The following ZCCHC7 variants were observed in gnomAD, a reference collection of about 807,000 sequenced individuals.
ZCCHC7 encodes zinc finger CCHC domain-containing protein 7.
Under a neutral mutation model 52.0 loss-of-function variants are expected in ZCCHC7, and 35 were observed. That is an observed-to-expected ratio of 0.67 (90% confidence interval 0.51 to 0.89). ZCCHC7 has a LOEUF of 0.89. Among genes scored for constraint, ZCCHC7 ranks in the 40% least tolerant of loss-of-function variants. The pLI, the probability that ZCCHC7 is intolerant of heterozygous loss-of-function variation, is 0.00. For synonymous variants in ZCCHC7, 217 were observed against 221.5 expected, an observed-to-expected ratio of 0.98 and a Z score of 0.18; for missense variants, 574 against 649.1, an observed-to-expected ratio of 0.88 and a Z score of 1.26.
At chr9:37,162,698 T>C (rs990770641) in intron 2 of ZCCHC7, among the ~76,000 whole-genome samples, 15 of 152,248 alleles carry the variant, frequency 9.9e-5, no homozygotes, top group African/African-American at 3.6e-4. Flanking sequence ...TTGGTATGGA[T>C]AGATGCTTTC....
At chr9:37,332,357 A>AT (rs35042921) in intron 6 of ZCCHC7, among the ~76,000 whole-genome samples, 25 of 150,004 alleles carry the variant, frequency 1.7e-4, no homozygotes, top group South Asian at 2.1e-4. Context: ...GAATAACAAG[A>AT]TTTTTTTTTT....
At chr9:37,169,620 C>T (rs1821619405) in intron 2 of ZCCHC7, among the ~76,000 whole-genome samples, 1 of 152,042 alleles carries the variant, frequency 6.6e-6, no homozygotes, top group African/African-American at 2.4e-5. Context: ...TTGCTATTTT[C>T]TTTATTATCT....
chr9:37,131,008 ACT>A (rs1842756176), intron 2 of ZCCHC7, among the ~76,000 whole-genome samples: 1 of 151,186 alleles, frequency 6.6e-6, no homozygotes, highest in Non-Finnish European at 1.5e-5. Context: ...AAAACTTCAG[ACT>A]CTCCCCTATT....
At position 37,357,397 on chromosome 9, in the gene ZCCHC7, C is replaced by A; in HGVS notation, c.*129C>A. On this transcript the variant is annotated 3_prime_UTR_variant, in exon 9 of 9. Transcript: ENST00000336755. ...TTTGGTTTTGTTTTTTTAATTTCAG[C>A]CATTCCTAGAGTTACTGAATATCCA... 2.3e-6 allele frequency: 2 copies of A among 851,886 alleles called. No individual in the cohort carries two copies. Among genetic ancestry groups the A allele is most frequent in the Non-Finnish European group, 1.7e-6 (1 of 582,288 alleles). The allele number at this position is 851,886 out of a possible 1,614,324, so 52.8% of individuals were successfully genotyped here.
intron 2 of ZCCHC7, among the ~76,000 whole-genome samples, chr9:37,288,719 G>A (rs962497538): frequency 5.9e-5 from 9 of 152,014 alleles, no homozygotes; most frequent in Non-Finnish European, 8.8e-5. Flanking sequence ...TACCATAATC[G>A]ATAACACCTC....
At chr9:37,267,943 G>C (rs1436796801) in intron 2 of ZCCHC7, among the ~76,000 whole-genome samples, 1 of 152,006 alleles carries the variant, frequency 6.6e-6, no homozygotes, top group Non-Finnish European at 1.5e-5. Flanking sequence ...GGGCTCGAGG[G>C]ATCCTCTCAC....
At chr9:37,352,511 C>CTTTTTTTTTTTTTTTT (rs869266535) in intron 7 of ZCCHC7, among the ~76,000 whole-genome samples, 3 of 81,576 alleles carry the variant, frequency 3.7e-5, no homozygotes, top group African/African-American at 1.7e-4. Context: ...ACAATTTGCT[C>CTTTTTTTTTTTTTTTT]TTTTTTTTTT....
chr9:37,207,217 T>G (rs543722939), intron 2 of ZCCHC7, among the ~76,000 whole-genome samples: 1 of 152,346 alleles, frequency 6.6e-6, no homozygotes, highest in East Asian at 1.9e-4. Flanking sequence ...GAAAGTGTAA[T>G]TTTGCTTTCA....
At chr9:37,315,581 TA>T (rs1829781805) in intron 5 of ZCCHC7, among the ~76,000 whole-genome samples, 1 of 151,796 alleles carries the variant, frequency 6.6e-6, no homozygotes, top group Non-Finnish European at 1.5e-5. Context: ...ACCAGAAAAA[TA>T]TACATCCTAA....
chr9:37,337,644 T>G (rs924471340), intron 6 of ZCCHC7, among the ~76,000 whole-genome samples: 2 of 152,110 alleles, frequency 1.3e-5, no homozygotes, highest in African/African-American at 4.8e-5. Context: ...ATTGCTTATT[T>G]ATGCAGTCCA....
intron 6 of ZCCHC7, among the ~76,000 whole-genome samples, chr9:37,337,304 T>A (rs761049002): frequency 6.6e-6 from 1 of 151,938 alleles, no homozygotes; most frequent in Admixed American, 6.6e-5. Flanking sequence ...GCACTGTGTA[T>A]TTTGAAGAGA....
chr9:37,142,505 T>C (rs1435185174), intron 2 of ZCCHC7, among the ~76,000 whole-genome samples: 1 of 151,798 alleles, frequency 6.6e-6, no homozygotes, highest in Non-Finnish European at 1.5e-5. Flanking sequence ...TTGTTTTCTT[T>C]ATTTTTGCTA....
chr9:37,148,714 C>G (rs1252904689), intron 2 of ZCCHC7, among the ~76,000 whole-genome samples: 2 of 151,128 alleles, frequency 1.3e-5, no homozygotes, highest in South Asian at 2.1e-4. Flanking sequence ...TTCAAGAGAA[C>G]TTTTTTTTTA....
chr9:37,283,961 CT>C (rs1828091393), intron 2 of ZCCHC7, among the ~76,000 whole-genome samples: 1 of 151,522 alleles, frequency 6.6e-6, no homozygotes, highest in Non-Finnish European at 1.5e-5. Context: ...TCATTTTATA[CT>C]TTCAGACAGA....
intron 2 of ZCCHC7, among the ~76,000 whole-genome samples, chr9:37,173,706 A>C (rs1466322715): frequency 6.6e-6 from 1 of 152,226 alleles, no homozygotes; most frequent in Non-Finnish European, 1.5e-5. Context: ...TTAATGGTAC[A>C]GTTGGTATCA....
chr9:37,289,025 C>T (rs1484030261), intron 2 of ZCCHC7, among the ~76,000 whole-genome samples: 2 of 152,228 alleles, frequency 1.3e-5, no homozygotes, highest in African/African-American at 2.4e-5. Flanking sequence ...CTAATCCAGC[C>T]TGTCCAAACT....
At chr9:37,142,530 C>G (rs1262963944) in intron 2 of ZCCHC7, among the ~76,000 whole-genome samples, 3 of 151,712 alleles carry the variant, frequency 2.0e-5, no homozygotes, top group Admixed American at 1.3e-4. Flanking sequence ...TTTCTAGTTA[C>G]TGTGCTTCAC....
chr9:37,268,458 G>T (rs1172036265), intron 2 of ZCCHC7, among the ~76,000 whole-genome samples: 19 of 149,084 alleles, frequency 1.3e-4, no homozygotes, highest in Middle Eastern at 3.2e-3. Context: ...ACAGAGTCTC[G>T]CTCTGTTGCC....
intron 2 of ZCCHC7, among the ~76,000 whole-genome samples, chr9:37,204,861 A>C (rs184406530): frequency 6.6e-6 from 1 of 152,304 alleles, no homozygotes; most frequent in Admixed American, 6.5e-5. Flanking sequence ...TGAACTAAGC[A>C]TGGGCTTTTC....
Sources: gnomAD v4.1 joint callset for allele counts (sites outside exome capture counted in the v4.1 genomes callset) on GRCh38, gnomAD v4.1.1 for gene constraint, MANE v1.5 for transcripts, NCBI Gene and HGNC (gene_info 2026-07-23, HGNC 2026-07-21) for gene names.